The following PDE1A variants were observed in gnomAD, a reference collection of about 807,000 sequenced individuals.
PDE1A encodes dual specificity calcium/calmodulin-dependent 3',5'-cyclic nucleotide phosphodiesterase 1A.
A neutral mutation model predicts 61.7 loss-of-function variants in PDE1A; 35 were observed. The observed-to-expected ratio is 0.57, with a 90% confidence interval of 0.43 to 0.75. The LOEUF is 0.75. Among genes scored for constraint, PDE1A ranks in the 30% least tolerant of loss-of-function variants. PDE1A has a pLI of 0.00. For synonymous variants in PDE1A, 232 were observed against 213.2 expected, an observed-to-expected ratio of 1.09 and a Z score of -0.77; for missense variants, 597 against 630.6, an observed-to-expected ratio of 0.95 and a Z score of 0.57.
chr2:182,417,950 G>A lies in PDE1A; in HGVS notation c.53+8628C>T, dbSNP rs183682269. Among the ~76,000 whole-genome samples, 353 of 152,154 alleles carry A rather than the reference G, an allele frequency of 2.3e-3. 1 individual carries two copies. The highest frequency in any genetic ancestry group is 3.9e-3 in the Admixed American group (59 of 15,286). The stretch of plus-strand genomic sequence containing the variant: ...AAAATAAACGTTATATAATTTGCAG[G>A]TATTACAAAAATATTTACCTATTAT... On this transcript the variant is annotated intron_variant, in intron 1 of 13. Coordinates refer to ENST00000351439, the Ensembl canonical transcript of PDE1A.
intron 2 of PDE1A, among the ~76,000 whole-genome samples, chr2:182,242,247 A>G (rs1407044552): frequency 6.6e-6 from 1 of 152,208 alleles, no homozygotes; most frequent in African/African-American, 2.4e-5. Flanking sequence ...CTCACCAAAC[A>G]TGACAAAACC....
intron 1 of PDE1A, among the ~76,000 whole-genome samples, chr2:182,287,100 T>C (rs1694217333): frequency 1.3e-5 from 2 of 152,118 alleles, no homozygotes; most frequent in Non-Finnish European, 2.9e-5. Context: ...TCATGCACTA[T>C]GGTTTACTCA....
At chr2:182,589,937 A>G in the PDE1A span, among the ~76,000 whole-genome samples, 2 of 152,138 alleles carry the variant, frequency 1.3e-5, no homozygotes, top group Non-Finnish European at 2.9e-5. Context: ...TGGACATCCT[A>G]ACCACGCTAT....
the PDE1A span, among the ~76,000 whole-genome samples, chr2:182,648,042 A>G: frequency 1.3e-5 from 2 of 152,198 alleles, no homozygotes; most frequent in African/African-American, 4.8e-5. Context: ...ACTGACTAGA[A>G]CACTTGTTTA....
intron 1 of PDE1A, among the ~76,000 whole-genome samples, chr2:182,376,815 C>T (rs979792452): frequency 1.3e-5 from 2 of 152,162 alleles, no homozygotes; most frequent in Non-Finnish European, 2.9e-5. Flanking sequence ...AAAATCATGA[C>T]AGAAGGCAAG....
At chr2:182,266,468 A>C (rs1401915453) in intron 1 of PDE1A, among the ~76,000 whole-genome samples, 2 of 152,166 alleles carry the variant, frequency 1.3e-5, no homozygotes, top group African/African-American at 2.4e-5. Context: ...ATATACTATC[A>C]TATGTCTTTC....
At chr2:182,186,017 G>A in exon 13 of PDE1A, 1 of 1,614,066 alleles carries the variant, frequency 6.2e-7, no homozygotes, top group Non-Finnish European at 8.5e-7. Flanking sequence ...ATCACTCATG[G>A]AGCCTTTTGT....
chr2:182,383,461 C>A (rs1193038561), intron 1 of PDE1A, among the ~76,000 whole-genome samples: 1 of 151,788 alleles, frequency 6.6e-6, no homozygotes, highest in East Asian at 1.9e-4. Flanking sequence ...GACAGTTTAT[C>A]TGAATATTTA....
In PDE1A at chr2:182,309,027, T is replaced by TAA. The variant is rs59614735; in HGVS notation, c.54-44615_54-44614dup. Among the ~76,000 whole-genome samples the TAA allele has an allele frequency of 1.9e-3, 277 of 146,038 alleles. 2 individuals carry two copies. The highest frequency in any genetic ancestry group is 3.2e-3 in the Non-Finnish European group (215 of 66,350). On this transcript the variant is annotated intron_variant, in intron 1 of 13. Transcript: ENST00000351439. ...TTATGAAATAGCATTAGTCTTGCTT[T>TAA]AAAAAAAAAAAAAGTGACAAAGAAG...
At chr2:182,626,889 A>G in the PDE1A span, among the ~76,000 whole-genome samples, 1 of 84,552 alleles carries the variant, frequency 1.2e-5, no homozygotes, top group Non-Finnish European at 2.3e-5. Context: ...ATATACACAT[A>G]TATATATACA....
At chr2:182,251,060 C>T (rs1003007505) in intron 2 of PDE1A, among the ~76,000 whole-genome samples, 1 of 152,114 alleles carries the variant, frequency 6.6e-6, no homozygotes, top group Non-Finnish European at 1.5e-5. Flanking sequence ...TGGCTTCCCA[C>T]CAGGAAATCC....
At position 182,201,661 on chromosome 2, in the gene PDE1A, A is replaced by AAAAAAC. The variant is rs780548266; in HGVS notation, c.1004+26_1004+27insGTTTTT. On this transcript the variant is annotated intron_variant, in intron 9 of 13. Coordinates refer to ENST00000351439, the Ensembl canonical transcript of PDE1A. ...GAACTTTAACATGACAAAAAAAAAA[A>AAAAAAC]AACAACAAAAAAAACACAAAACCTA... is the stretch of plus-strand genomic sequence containing the variant. 84 of 1,555,392 alleles carry AAAAAAC rather than the reference A, an allele frequency of 5.4e-5. 1 individual carries two copies. The South Asian group carries it at 6.6e-4, about 12-fold the overall frequency.
rs542241161 is a variant in PDE1A at position 182,377,478 on chromosome 2, C to T, written c.53+49100G>A. Among the ~76,000 whole-genome samples the T allele has an allele frequency of 5.9e-4, 90 of 152,300 alleles. No homozygotes were observed. The South Asian group carries it at 0.016, about 27-fold the overall frequency. On this transcript the variant is annotated intron_variant, in intron 1 of 13. Coordinates refer to ENST00000351439, the Ensembl canonical transcript of PDE1A. The stretch of plus-strand genomic sequence containing the variant: ...TTAAATCTCTTTTCCTATAAATTAC[C>T]CAGTCTCAGGTATTTCTTGATAGTG...
At chr2:182,221,151 T>A (rs182206041) in intron 7 of PDE1A, among the ~76,000 whole-genome samples, 1 of 151,840 alleles carries the variant, frequency 6.6e-6, no homozygotes, top group Non-Finnish European at 1.5e-5. Flanking sequence ...CACAGCCAAA[T>A]GCATAAGTAA....
intron 13 of PDE1A, among the ~76,000 whole-genome samples, chr2:182,148,365 G>A (rs1690607913): frequency 6.6e-6 from 1 of 152,182 alleles, no homozygotes; most frequent in East Asian, 1.9e-4. Flanking sequence ...CTAAGCATGG[G>A]AGAGAAGAAA....
the PDE1A span, among the ~76,000 whole-genome samples, chr2:182,666,366 C>T: frequency 4.3e-4 from 65 of 152,080 alleles, no homozygotes; most frequent in Non-Finnish European, 6.3e-4. Context: ...GTCTGTAATC[C>T]CAGCACTTTG....
chr2:182,400,869 C>G (rs1012939319), intron 1 of PDE1A, among the ~76,000 whole-genome samples: 1 of 152,156 alleles, frequency 6.6e-6, no homozygotes, highest in African/African-American at 2.4e-5. Context: ...AGTAGAGAAA[C>G]CACCTTTGCC....
intron 1 of PDE1A, among the ~76,000 whole-genome samples, chr2:182,323,271 G>A (rs956234502): frequency 6.6e-6 from 1 of 152,072 alleles, no homozygotes; most frequent in Non-Finnish European, 1.5e-5. Context: ...TGTCAATGCT[G>A]TTCGATATAT....
the PDE1A span, among the ~76,000 whole-genome samples, chr2:182,642,144 C>G: frequency 6.6e-6 from 1 of 152,108 alleles, no homozygotes; most frequent in Non-Finnish European, 1.5e-5. Context: ...TATTTGTAGT[C>G]TAAAATATTT....
Sources: gnomAD v4.1 joint callset for allele counts (sites outside exome capture counted in the v4.1 genomes callset) on GRCh38, gnomAD v4.1.1 for gene constraint, MANE v1.5 for transcripts, NCBI Gene and HGNC (gene_info 2026-07-23, HGNC 2026-07-21) for gene names.